Variants in MOK observed in about 807,000 individuals in gnomAD.
MOK encodes the protein MOK protein kinase, also known as MAPK/MAK/MRK overlapping kinase.
MOK carries 59 observed loss-of-function variants against 54.2 expected under a neutral mutation model. The ratio of observed to expected loss-of-function variants is 1.09; its 90% CI spans 0.88 to 1.35. The LOEUF (loss-of-function observed/expected upper bound fraction) is 1.35. MOK is among the 40% of genes most tolerant of loss of function. MOK has a pLI of 0.00. For synonymous variants in MOK, 210 were observed against 202.7 expected (o/e 1.04, Z -0.31); for missense variants, 517 against 526.2 (o/e 0.98, Z 0.17).
intron 2 of MOK, among the ~76,000 whole-genome samples, chr14:102,270,323 C>G (rs1215497849): frequency 2.0e-5 from 3 of 152,184 alleles, no homozygotes; most frequent in African/African-American, 7.2e-5. Context: ...CCCCCTTGGC[C>G]GGGTACAGGG....
intron 1 of MOK, among the ~76,000 whole-genome samples, chr14:102,292,804 C>T (rs2070912287): frequency 6.6e-6 from 1 of 151,786 alleles, no homozygotes; most frequent in African/African-American, 2.4e-5. Context: ...AGTATTAAAA[C>T]CATTCAATTT....
chr14:102,275,563 C>CAAAAAAA (rs35983579), intron 2 of MOK, among the ~76,000 whole-genome samples: 2 of 71,522 alleles, frequency 2.8e-5, no homozygotes, highest in African/African-American at 4.6e-5. Context: ...GACTCCATCT[C>CAAAAAAA]AAAAAAAAAA....
chr14:102,240,619 A>AAT lies in MOK; in HGVS notation c.591-6832_591-6831dup, dbSNP rs1476957833. ...CTCCAGCACCAGTCACAGACTCAGG[A>AAT]ATAGTCTTCTCTTGGTGTTTAATCA... On this transcript the variant is annotated intron_variant, in intron 7 of 11. Transcript: ENST00000361847. The surrounding 1 kb of genome is among the most constrained non-coding windows in gnomAD (Gnocchi z 5.4). 1 of 132,366 alleles carries AAT rather than the reference A, an allele frequency of 7.6e-6. No individual in the cohort carries two copies. The highest frequency in any genetic ancestry group is 3.6e-5 in the African/African-American group (1 of 27,406). The allele number at this position is 132,366 out of a possible 1,614,324, so 8.2% of individuals were successfully genotyped here. A position where few individuals can be genotyped will look rare whatever the true frequency, so the allele number is the denominator to read the frequency against.
intron 4 of MOK, among the ~76,000 whole-genome samples, chr14:102,259,351 G>T (rs939165531): frequency 2.6e-5 from 4 of 152,116 alleles, no homozygotes; most frequent in African/African-American, 9.7e-5. Flanking sequence ...CACTAAAGAA[G>T]CATCATCATC....
At chr14:102,299,466 G>C (rs1172606032) in intron 1 of MOK, among the ~76,000 whole-genome samples, 1 of 151,350 alleles carries the variant, frequency 6.6e-6, no homozygotes, top group Non-Finnish European at 1.5e-5. Context: ...AGCGAGCCAA[G>C]ATCATACCAC....
In MOK at chr14:102,234,125, G is replaced by A. The variant is rs368429717; in HGVS notation, c.591-336C>T. On this transcript the variant is annotated intron_variant, in intron 7 of 11. Transcript: ENST00000361847. ...GTGGCAGGTTAATAAAAACTTGCTTGCCTGACTTTAGGTCAATTTTTCCTT... is the reference window on the plus strand; with the variant it reads ...GTGGCAGGTTAATAAAAACTTGCTTACCTGACTTTAGGTCAATTTTTCCTT... 5.0e-4 allele frequency: 113 copies of A among 226,566 alleles called. No individual in the cohort carries two copies. The South Asian group carries it at 9.7e-3, about 19-fold the overall frequency. 14.0% of individuals were successfully genotyped at this position (226,566 alleles called of 1,614,324 possible).
intron 2 of MOK, chr14:102,280,570 T>A (rs144309075): frequency 1.3e-5 from 2 of 152,346 alleles, no homozygotes; most frequent in African/African-American, 4.8e-5. Flanking sequence ...GAACATAAAT[T>A]GTTTCTGAAA....
intron 2 of MOK, among the ~76,000 whole-genome samples, chr14:102,274,368 C>T (rs1166759131): frequency 1.3e-5 from 2 of 151,358 alleles, no homozygotes; most frequent in Non-Finnish European, 2.9e-5. Flanking sequence ...AATCCTCCCA[C>T]CTCAGCCTCC....
downstream of MOK, chr14:102,224,985 C>T (rs1200742959): frequency 2.8e-6 from 1 of 351,990 alleles, no homozygotes; most frequent in Non-Finnish European, 5.5e-6. Context: ...GAAGCCAAAC[C>T]CAGGAGGGCC....
In MOK at chr14:102,235,549, ACCT is replaced by A. The variant is rs1389146020; in HGVS notation, c.591-1763_591-1761del. On this transcript the variant is annotated intron_variant, in intron 7 of 11. Transcript: ENST00000361847. This position sits in a 1 kb window ranked among gnomAD's most constrained non-coding sequence, Gnocchi z 4.4. Reference sequence around the variant, plus strand: ...GTATCAACCCACAGGCCCCTGCCAGACCTCCTGTAATCATATGATTACTTGCCT... The same window carrying A: ...GTATCAACCCACAGGCCCCTGCCAGACCTGTAATCATATGATTACTTGCCT... 1 of 152,098 alleles carries A rather than the reference ACCT, an allele frequency of 6.6e-6. No individual in the cohort carries two copies. Among genetic ancestry groups the A allele is most frequent in the African/African-American group, 2.4e-5 (1 of 41,394 alleles). The allele number at this position is 152,098 out of a possible 1,614,324, so 9.4% of individuals were successfully genotyped here. A position where few individuals can be genotyped will look rare whatever the true frequency, so the allele number is the denominator to read the frequency against.
In MOK at chr14:102,232,850, C is replaced by T; in HGVS notation, c.693-142G>A. On this transcript the variant is annotated intron_variant, in intron 8 of 11. Transcript: ENST00000361847. The surrounding 1 kb of genome is among the most constrained non-coding windows in gnomAD (Gnocchi z 5.1). ...CACCTGTCCCAGCCCACAGAACGTG[C>T]ACCACCAAGAGGGACCCCTGATGTA... The T allele has an allele frequency of 1.5e-6, 1 of 662,884 alleles. No homozygotes were observed. Among genetic ancestry groups the T allele is most frequent in the Non-Finnish European group, 2.5e-6 (1 of 401,396 alleles). The allele number at this position is 662,884 out of a possible 1,614,324, so 41.1% of individuals were successfully genotyped here.
intron 1 of MOK, among the ~76,000 whole-genome samples, chr14:102,285,680 C>T (rs971587302): frequency 6.6e-6 from 1 of 151,826 alleles, no homozygotes; most frequent in Middle Eastern, 3.4e-3. Flanking sequence ...TCACTTGAGG[C>T]CAGGAGTTCG....
At chr14:102,274,455 C>T (rs2068667106) in intron 2 of MOK, among the ~76,000 whole-genome samples, 1 of 151,496 alleles carries the variant, frequency 6.6e-6, no homozygotes, top group Non-Finnish European at 1.5e-5. Context: ...GGGGTTTCAC[C>T]ATGTTGTTCA....
At position 102,251,299 on chromosome 14, in the gene MOK, G is replaced by A. The variant is rs139878816; in HGVS notation, c.412-309C>T. 8.3e-4 allele frequency: 328 copies of A among 397,002 alleles called. 1 individual carries two copies. Among genetic ancestry groups the A allele is most frequent in the African/African-American group, 6.0e-3 (292 of 48,868 alleles). The allele number at this position is 397,002 out of a possible 1,614,324, so 24.6% of individuals were successfully genotyped here. A position where few individuals can be genotyped will look rare whatever the true frequency, so the allele number is the denominator to read the frequency against. On this transcript the variant is annotated intron_variant, in intron 6 of 11. Coordinates refer to ENST00000361847, the MANE Select transcript of MOK (RefSeq NM_014226.3). ...AACAACACACACTAGTCGTCTGTCC[G>A]GTCATGCTGCCAGCTTGCCCAGCAA...
In MOK at chr14:102,275,886, G is replaced by T. The variant is rs1597490631; in HGVS notation, c.122+7592C>A. On this transcript the variant is annotated intron_variant, in intron 2 of 11. Transcript: ENST00000361847. ...AAAGAACTCCTAAATTCAATAAAAA[G>T]GCAAACAGCCTAATTTTTAAAATTA... 6.6e-5 allele frequency among the ~76,000 whole-genome samples: 10 copies of T among 152,140 alleles called. No homozygotes were observed. In the South Asian group the frequency reaches 2.1e-3, roughly 32 times the overall value.
At chr14:102,261,271 T>A (rs2067373716) in intron 4 of MOK, among the ~76,000 whole-genome samples, 4 of 103,190 alleles carry the variant, frequency 3.9e-5, no homozygotes, top group Admixed American at 1.8e-4. Context: ...AAAAAAAAAT[T>A]AGCCAAGTGT....
rs2064746923 is a variant in MOK at position 102,231,806 on chromosome 14, C to T, written c.882G>A (p.Arg294=). The T allele has an allele frequency of 1.2e-6, 2 of 1,611,578 alleles. No individual in the cohort carries two copies. Among genetic ancestry groups the T allele is most frequent in the Non-Finnish European group, 1.7e-6 (2 of 1,178,484 alleles). The change falls in exon 10 of 12, where the codon CGG becomes CGA. Residue 294 remains arginine, a synonymous_variant. Transcript: ENST00000361847. This position sits in a 1 kb window ranked among gnomAD's most constrained non-coding sequence, Gnocchi z 4.4. ...YFQEQRKTEK[R]ALGSHRKAGF... ...CAGCTTTTCTGTGGCTGCCCAGAGC[C>T]CGCTTCTCTGTTTTCCTACGGGGAA...
chr14:102,233,770 C>T lies in MOK; in HGVS notation c.610G>A (p.Gly204Arg). ...GAGATTTGGTCCAGTTCATTTACTC[C>T]AGGAAAGAGGGGCTGCAGACTGGAA... ...EIASLQPLFP[G>R]VNELDQISKI... is the part of the protein sequence containing the mutation. Residue 204 changes from glycine to arginine, a missense_variant, in exon 8 of 12, where the codon GGA (glycine) becomes AGA (arginine). Physicochemically the swap from Gly to Arg is moderately radical, Grantham distance 125. Coordinates refer to ENST00000361847, the MANE Select transcript of MOK (RefSeq NM_014226.3). 1 of 1,614,010 alleles carries T rather than the reference C, an allele frequency of 6.2e-7. No homozygotes were observed. The highest frequency in any genetic ancestry group is 8.5e-7 in the Non-Finnish European group (1 of 1,179,900).
rs1567187826 is a variant in MOK at position 102,261,421 on chromosome 14, ATATATATATATAT to A, written c.283+2112_283+2124del. Among the ~76,000 whole-genome samples the A allele has an allele frequency of 4.0e-3, 101 of 25,560 alleles. 2 individuals are homozygous for A. Among genetic ancestry groups the A allele is most frequent in the Non-Finnish European group, 6.9e-3 (88 of 12,684 alleles). 16.8% of individuals were successfully genotyped at this position (25,560 alleles called of 152,430 possible). On this transcript the variant is annotated intron_variant, in intron 4 of 11. Coordinates refer to ENST00000361847, the MANE Select transcript of MOK (RefSeq NM_014226.3). ...AAAAAAAAAAAAAAAAAAAAAAAATATATATATATATATATATATATATATATATATATATATT... is the reference window on the plus strand; with the variant it reads ...AAAAAAAAAAAAAAAAAAAAAAAATAATATATATATATATATATATATATT...
Sources: gnomAD v4.1 joint callset for allele counts (sites outside exome capture counted in the v4.1 genomes callset) on GRCh38, gnomAD v4.1.1 for gene constraint, Gnocchi (gnomAD v3.1) non-coding constraint, MANE v1.5 for transcripts, NCBI Gene and HGNC (gene_info 2026-07-23, HGNC 2026-07-21) for gene names.